Variants in BTG4 observed in about 807,000 individuals in gnomAD.
BTG4 encodes the protein protein BTG4.
In BTG4, 10 loss-of-function variants were observed where a neutral mutation model predicts 19.3. The observed-to-expected ratio is 0.52, with a 90% CI of 0.32 to 0.88. The LOEUF is 0.88. Among genes scored for constraint, BTG4 ranks in the 40% least tolerant of loss-of-function variants. The pLI is 0.04. For missense variants in BTG4, 238 were observed against 281.9 expected (o/e 0.84, Z 1.11); for synonymous variants, 91 against 95.7 (o/e 0.95, Z 0.29).
At chr11:111,463,260 G>T (rs1045907978), downstream of BTG4, 1 of 152,712 alleles carries the variant, frequency 6.5e-6, no homozygotes, top group Non-Finnish European at 1.5e-5. Context: ...AGGCAACCAC[G>T]TGGGACAGGT....
At chr11:111,476,066 A>T (rs1162547068) in intron 5 of BTG4, among the ~76,000 whole-genome samples, 1 of 151,896 alleles carries the variant, frequency 6.6e-6, no homozygotes, top group South Asian at 2.1e-4. Flanking sequence ...GATTACTACA[A>T]TTCAAGGTGA....
intron 5 of BTG4, among the ~76,000 whole-genome samples, chr11:111,473,921 T>G (rs1263497416): frequency 1.3e-5 from 2 of 152,198 alleles, no homozygotes; most frequent in African/African-American, 4.8e-5. Context: ...TTACAAAAGT[T>G]TATTTTTAAT....
chr11:111,395,559 T>C, the BTG4 span, among the ~76,000 whole-genome samples: 1 of 152,242 alleles, frequency 6.6e-6, no homozygotes, highest in Non-Finnish European at 1.5e-5. Flanking sequence ...CAAAAGAGTA[T>C]GTTATGAAAA....
chr11:111,411,245 A>G, the BTG4 span, among the ~76,000 whole-genome samples: 1 of 148,758 alleles, frequency 6.7e-6, no homozygotes, highest in Non-Finnish European at 1.5e-5. Flanking sequence ...TTCTCCTTCT[A>G]CTCTCCTCCT....
chr11:111,403,341 T>C, the BTG4 span, among the ~76,000 whole-genome samples: 1 of 152,248 alleles, frequency 6.6e-6, no homozygotes, highest in Non-Finnish European at 1.5e-5. Context: ...GGGCACTGCG[T>C]TAGGTAGGAC....
the BTG4 span, among the ~76,000 whole-genome samples, chr11:111,395,971 A>T: frequency 6.6e-6 from 1 of 152,226 alleles, no homozygotes; most frequent in Admixed American, 6.5e-5. Context: ...CCCCGGAGGC[A>T]TGCCTGCCTT....
chr11:111,451,468 A>C, the BTG4 span: 1 of 434,944 alleles, frequency 2.3e-6, no homozygotes, highest in South Asian at 1.6e-5. Context: ...CCCTCTCTTT[A>C]AAAAATACTG....
At chr11:111,403,921 G>A in the BTG4 span, among the ~76,000 whole-genome samples, 1 of 152,128 alleles carries the variant, frequency 6.6e-6, no homozygotes, top group African/African-American at 2.4e-5. Context: ...AGTCAGGATG[G>A]TAAAGACTCT....
downstream of BTG4, among the ~76,000 whole-genome samples, chr11:111,463,982 G>T (rs573618689): frequency 6.6e-6 from 1 of 152,298 alleles, no homozygotes; most frequent in East Asian, 1.9e-4. Context: ...GAGTGAGAGA[G>T]GGCGAGCAAA....
At chr11:111,466,484 CT>C (rs1370148025), downstream of BTG4, among the ~76,000 whole-genome samples, 3 of 152,212 alleles carry the variant, frequency 2.0e-5, no homozygotes, top group Non-Finnish European at 4.4e-5. Context: ...TTGCCATCTT[CT>C]GTGGACCCTC....
At chr11:111,491,058 C>T (rs1323915204), downstream of BTG4, among the ~76,000 whole-genome samples, 1 of 152,178 alleles carries the variant, frequency 6.6e-6, no homozygotes, top group African/African-American at 2.4e-5. Context: ...GAATAAACTA[C>T]CAATACATGC....
the BTG4 span, among the ~76,000 whole-genome samples, chr11:111,452,959 C>A: frequency 6.6e-6 from 1 of 152,056 alleles, no homozygotes; most frequent in Non-Finnish European, 1.5e-5. Context: ...GGAGGAGGAA[C>A]AGAGATGAGA....
At chr11:111,427,720 C>T in the BTG4 span, among the ~76,000 whole-genome samples, 1 of 152,092 alleles carries the variant, frequency 6.6e-6, no homozygotes, top group Non-Finnish European at 1.5e-5. Context: ...TCGGGGACCC[C>T]AAAACCAATG....
the BTG4 span, among the ~76,000 whole-genome samples, chr11:111,425,595 G>A: frequency 0.92 from 140,239 of 152,270 alleles, 64,925 homozygotes; most frequent in East Asian, 1. Flanking sequence ...TTTCAGTTAA[G>A]AAACTACTGT....
chr11:111,410,451 T>C, the BTG4 span, among the ~76,000 whole-genome samples: 1 of 152,224 alleles, frequency 6.6e-6, no homozygotes, highest in South Asian at 2.1e-4. Context: ...ATGGGTTTTC[T>C]TTCATTTCCA....
At chr11:111,427,195 C>G in the BTG4 span, among the ~76,000 whole-genome samples, 1 of 152,222 alleles carries the variant, frequency 6.6e-6, no homozygotes, top group Non-Finnish European at 1.5e-5. Context: ...AGGATCAGTT[C>G]TCTACCCATC....
At chr11:111,423,582 C>G in the BTG4 span, among the ~76,000 whole-genome samples, 1 of 152,210 alleles carries the variant, frequency 6.6e-6, no homozygotes, top group Non-Finnish European at 1.5e-5. Context: ...CTTGCCCACC[C>G]TTACACCACA....
the BTG4 span, among the ~76,000 whole-genome samples, chr11:111,387,953 A>G: frequency 6.6e-6 from 1 of 152,002 alleles, no homozygotes; most frequent in Non-Finnish European, 1.5e-5. Flanking sequence ...TTTTGCCTCC[A>G]TATTACCAAC....
chr11:111,416,016 C>G, the BTG4 span: 1 of 152,466 alleles, frequency 6.6e-6, no homozygotes, highest in Non-Finnish European at 1.5e-5. Context: ...TGCACTCCAG[C>G]CTGGGCAACA....
Sources: allele counts gnomAD v4.1 joint callset (sites outside exome capture counted in the v4.1 genomes callset), GRCh38; gene constraint gnomAD v4.1.1; transcripts MANE v1.5; gene names NCBI Gene and HGNC (gene_info 2026-07-23, HGNC 2026-07-21).